MYO16: variants seen among roughly 807,000 people sequenced by gnomAD.
The protein encoded by MYO16 is unconventional myosin-XVI.
Under a neutral mutation model 205.3 loss-of-function variants are expected in MYO16, and 94 were observed. That is an observed-to-expected ratio of 0.46 (90% CI 0.39 to 0.54). MYO16 has a LOEUF of 0.54. MYO16 is among the 20% of genes least tolerant of loss of function. MYO16 has a pLI of 0.00. For missense variants in MYO16, 2,315 were observed against 2,387.5 expected (o/e 0.97, Z 0.63); for synonymous variants, 988 against 954.0 (o/e 1.04, Z -0.66).
At chr13:108,652,909 A>G (rs532026054) in intron 1 of MYO16, among the ~76,000 whole-genome samples, 1 of 152,350 alleles carries the variant, frequency 6.6e-6, no homozygotes, top group East Asian at 1.9e-4. Context: ...TATACCCAGA[A>G]GTAGCATTGT....
At chr13:108,545,064 ATG>A in the MYO16 span, among the ~76,000 whole-genome samples, 1 of 151,744 alleles carries the variant, frequency 6.6e-6, no homozygotes, top group Non-Finnish European at 1.5e-5. Context: ...CAGGTAAATT[ATG>A]TGTCACAAGG....
intron 1 of MYO16, among the ~76,000 whole-genome samples, chr13:108,646,534 G>A (rs1880765465): frequency 6.6e-6 from 1 of 152,164 alleles, no homozygotes; most frequent in Admixed American, 6.5e-5. Context: ...TTGGCATTAA[G>A]CCTTCATCTT....
At chr13:108,556,640 A>G in the MYO16 span, among the ~76,000 whole-genome samples, 30 of 152,294 alleles carry the variant, frequency 2.0e-4, no homozygotes, top group Admixed American at 1.3e-3. Context: ...AATTTGACAC[A>G]ATCCCATTTG....
rs374747232 is a variant in MYO16, at chr13:108,869,604, G to A, written c.1425+3362G>A. Among the ~76,000 whole-genome samples the A allele has an allele frequency of 3.2e-4, 48 of 149,562 alleles. 2 individuals carry two copies. In the East Asian group the frequency reaches 8.8e-3, roughly 27 times the overall value. ...AAGTTAGCCGGGCGTCGTGGCGGGC[G>A]TCTGTAGTCCCAGCTACTCGGGAGG... On this transcript the variant is annotated intron_variant, in intron 12 of 34. Coordinates refer to ENST00000457511, the MANE Select transcript of MYO16 (RefSeq NM_001198950.3).
At chr13:108,517,402 A>G in the MYO16 span, among the ~76,000 whole-genome samples, 3 of 152,214 alleles carry the variant, frequency 2.0e-5, no homozygotes, top group East Asian at 1.9e-4. Flanking sequence ...TTTCAGGCCA[A>G]GAATAACAAG....
intron 2 of MYO16, among the ~76,000 whole-genome samples, chr13:108,677,347 ATATATATG>A (rs1292877141): frequency 0.062 from 6,255 of 101,692 alleles, 179 homozygotes; most frequent in Middle Eastern, 0.18. Context: ...ATATATATAT[ATATATATG>A]CATATATATA....
intron 1 of MYO16, among the ~76,000 whole-genome samples, chr13:108,647,505 C>T (rs1383598308): frequency 1.3e-5 from 2 of 152,142 alleles, no homozygotes; most frequent in African/African-American, 4.8e-5. Context: ...ACTTTTCACC[C>T]TTATGTATCT....
At chr13:108,952,158 T>TAAAA (rs1883180935) in intron 16 of MYO16, among the ~76,000 whole-genome samples, 1 of 134,826 alleles carries the variant, frequency 7.4e-6, no homozygotes, top group African/African-American at 2.8e-5. Flanking sequence ...AATAAATAAA[T>TAAAA]AAAACGATAT....
chr13:109,161,717 A>T (rs1317201403), intron 32 of MYO16, among the ~76,000 whole-genome samples: 1 of 152,210 alleles, frequency 6.6e-6, no homozygotes, highest in Non-Finnish European at 1.5e-5. Context: ...AAAAATTAAA[A>T]TTTAATTATA....
At chr13:108,843,034 G>A (rs1351114173) in intron 9 of MYO16, among the ~76,000 whole-genome samples, 1 of 151,990 alleles carries the variant, frequency 6.6e-6, no homozygotes, top group African/African-American at 2.4e-5. Context: ...CTTATGTGTG[G>A]ACTCTTAAAA....
chr13:108,810,532 A>T (rs1334527700), intron 7 of MYO16, among the ~76,000 whole-genome samples: 2 of 152,230 alleles, frequency 1.3e-5, no homozygotes, highest in Non-Finnish European at 2.9e-5. Context: ...ACCAAGAAAA[A>T]TAGTATATGA....
chr13:108,952,118 TAA>T (rs1883177143), intron 16 of MYO16, among the ~76,000 whole-genome samples: 1 of 71,768 alleles, frequency 1.4e-5, no homozygotes, highest in African/African-American at 5.7e-5. Flanking sequence ...TCTCAATAAA[TAA>T]ATAAATAAAT....
At chr13:109,040,967 T>TG (rs1555326815) in intron 23 of MYO16, among the ~76,000 whole-genome samples, 5 of 151,746 alleles carry the variant, frequency 3.3e-5, no homozygotes, top group Non-Finnish European at 7.4e-5. Flanking sequence ...AAATCTACCA[T>TG]AAAAAAAGAA....
intron 1 of MYO16, among the ~76,000 whole-genome samples, chr13:108,653,001 C>T (rs890592040): frequency 3.3e-5 from 5 of 152,142 alleles, no homozygotes; most frequent in African/African-American, 1.2e-4. Flanking sequence ...CTTTACAATC[C>T]CAACAGTGAA....
chr13:109,160,220 A>G (rs1487123156), intron 32 of MYO16, among the ~76,000 whole-genome samples: 2 of 152,200 alleles, frequency 1.3e-5, no homozygotes, highest in Non-Finnish European at 2.9e-5. Context: ...AAGAGCCATG[A>G]TTTAAAACAG....
the MYO16 span, among the ~76,000 whole-genome samples, chr13:108,534,596 G>A: frequency 2.0e-5 from 3 of 151,548 alleles, no homozygotes; most frequent in Non-Finnish European, 2.9e-5. Flanking sequence ...TGGGAAACAC[G>A]GAGTCTCTAC....
At chr13:108,602,230 T>A (rs901704237) in intron 1 of MYO16, among the ~76,000 whole-genome samples, 1 of 152,150 alleles carries the variant, frequency 6.6e-6, no homozygotes, top group Non-Finnish European at 1.5e-5. Context: ...TTAAGCCATG[T>A]GGCCTCAGGC....
intron 2 of MYO16, among the ~76,000 whole-genome samples, chr13:108,688,641 A>T (rs1882774637): frequency 6.6e-6 from 1 of 152,150 alleles, no homozygotes; most frequent in Non-Finnish European, 1.5e-5. Flanking sequence ...GTGCCAAAGT[A>T]GGCGTTAATT....
chr13:108,775,149 C>T (rs188520994), intron 4 of MYO16, among the ~76,000 whole-genome samples: 38 of 152,272 alleles, frequency 2.5e-4, no homozygotes, highest in Middle Eastern at 6.8e-3. Flanking sequence ...TTAACATCAG[C>T]GTGAATGTTT....
Sources: gnomAD v4.1 joint callset for allele counts (sites outside exome capture counted in the v4.1 genomes callset) on GRCh38, gnomAD v4.1.1 for gene constraint, MANE v1.5 for transcripts, NCBI Gene and HGNC (gene_info 2026-07-23, HGNC 2026-07-21) for gene names.